POC1B: variants seen among roughly 807,000 people sequenced by gnomAD.
The protein encoded by POC1B is POC1 centriolar protein B.
Under a neutral mutation model 60.6 loss-of-function variants are expected in POC1B, and 44 were observed. The observed-to-expected ratio is 0.73, with a 90% CI of 0.57 to 0.93. POC1B has a LOEUF of 0.93. Ranked by LOEUF, POC1B falls within the 40% of genes least tolerant of loss-of-function variation. The probability of loss-of-function intolerance (pLI) is 0.00; values close to 1 mark genes in which losing one functional copy is unlikely to be tolerated. For synonymous variants in POC1B, 180 were observed against 198.9 expected, an observed-to-expected ratio of 0.90 and a Z score of 0.80; for missense variants, 555 against 572.3, an observed-to-expected ratio of 0.97 and a Z score of 0.31.
intron 10 of POC1B, among the ~76,000 whole-genome samples, chr12:89,440,816 G>A (rs1260396811): frequency 2.6e-5 from 4 of 152,248 alleles, no homozygotes; most frequent in Non-Finnish European, 4.4e-5. Context: ...GAAGCAGGGC[G>A]GGGCATCGCC....
intron 2 of POC1B, chr12:89,522,898 T>A (rs1327932703): frequency 1.2e-6 from 2 of 1,613,726 alleles, no homozygotes; most frequent in East Asian, 4.5e-5. Flanking sequence ...CGGTGTCCGA[T>A]AAGCACTAAG....
intron 2 of POC1B, among the ~76,000 whole-genome samples, chr12:89,506,002 A>C (rs552402816): frequency 3.3e-5 from 5 of 152,222 alleles, no homozygotes; most frequent in Non-Finnish European, 5.9e-5. Context: ...AGTGAGTTTT[A>C]GTGCCATTTA....
At chr12:89,500,069 G>A in intron 2 of POC1B, 2 of 1,300,460 alleles carry the variant, frequency 1.5e-6, no homozygotes, top group Non-Finnish European at 1.1e-6. Context: ...TCAGACACCT[G>A]CGCTGGCTCA....
chr12:89,482,582 A>ATT lies in POC1B; in HGVS notation c.452+9352_452+9353dup, dbSNP rs559929844. Among the ~76,000 whole-genome samples, 59 of 152,224 alleles carry ATT rather than the reference A, an allele frequency of 3.9e-4. 1 individual carries two copies. Among genetic ancestry groups the ATT allele is most frequent in the Admixed American group, 2.6e-4 (4 of 15,284 alleles). On this transcript the variant is annotated intron_variant, in intron 4 of 11. Transcript: ENST00000313546. The stretch of plus-strand genomic sequence containing the variant: ...TGAGAGCAGCAGAGAAAAAAGATAC[A>ATT]TTATATATAGGGGAATTACATTAAA...
chr12:89,406,964 G>A, the POC1B span, among the ~76,000 whole-genome samples: 1 of 54 alleles, frequency 0.019, no homozygotes, highest in Non-Finnish European at 0.045. Context: ...TGGCCAACAT[G>A]CCGAAACCCC....
chr12:89,517,548 G>A (rs751643608), intron 2 of POC1B, among the ~76,000 whole-genome samples: 6 of 152,038 alleles, frequency 3.9e-5, no homozygotes, highest in East Asian at 3.9e-4. Context: ...CATGAGAATC[G>A]CTTGAACTTG....
intron 4 of POC1B, among the ~76,000 whole-genome samples, chr12:89,481,810 A>C (rs1316070951): frequency 6.6e-6 from 1 of 152,194 alleles, no homozygotes; most frequent in African/African-American, 2.4e-5. Flanking sequence ...AGCTCTGACC[A>C]GCCTTTTCTG....
chr12:89,456,028 T>TTGC (rs1220841996), intron 10 of POC1B, among the ~76,000 whole-genome samples: 3 of 151,872 alleles, frequency 2.0e-5, no homozygotes, highest in Non-Finnish European at 4.4e-5. Flanking sequence ...GTTGTTGTTG[T>TTGC]TGTTGTTGTT....
chr12:89,424,017 T>C (rs543932649), intron 11 of POC1B, among the ~76,000 whole-genome samples: 4 of 152,156 alleles, frequency 2.6e-5, no homozygotes, highest in African/African-American at 4.8e-5. Flanking sequence ...AAAAGAGATG[T>C]CTGATAAATA....
At chr12:89,453,482 G>C (rs1461748352) in intron 10 of POC1B, among the ~76,000 whole-genome samples, 1 of 152,124 alleles carries the variant, frequency 6.6e-6, no homozygotes, top group African/African-American at 2.4e-5. Flanking sequence ...CACTAAACCA[G>C]CACTTAAAGA....
intron 2 of POC1B, among the ~76,000 whole-genome samples, chr12:89,519,230 C>G (rs777286099): frequency 1.5e-4 from 23 of 152,130 alleles, no homozygotes; most frequent in Non-Finnish European, 2.2e-4. Flanking sequence ...GTACTAACAC[C>G]CCTTCAGAAT....
chr12:89,522,896 G>A (rs772083185), intron 2 of POC1B: 33 of 1,613,736 alleles, frequency 2.0e-5, no homozygotes, highest in South Asian at 3.3e-5. Flanking sequence ...TCCGGTGTCC[G>A]ATAAGCACTA....
chr12:89,434,844 G>A lies in POC1B; in HGVS notation c.1114-9465C>T, dbSNP rs527653954. Reference sequence around the variant, plus strand: ...AAGATCTATAGTTATCTTTCACACTGTTCAACAAACCCCAAAGAAAAAAAT... The same window carrying A: ...AAGATCTATAGTTATCTTTCACACTATTCAACAAACCCCAAAGAAAAAAAT... On this transcript the variant is annotated intron_variant, in intron 10 of 11. Coordinates refer to ENST00000313546, the MANE Select transcript of POC1B (RefSeq NM_172240.3). Among the ~76,000 whole-genome samples the A allele has an allele frequency of 9.0e-4, 137 of 152,140 alleles. 1 individual carries two copies. The highest frequency in any genetic ancestry group is 1.2e-3 in the Admixed American group (18 of 15,282).
intron 2 of POC1B, among the ~76,000 whole-genome samples, chr12:89,513,350 C>T (rs1870279530): frequency 6.6e-6 from 1 of 151,268 alleles, no homozygotes; most frequent in African/African-American, 2.4e-5. Context: ...TCTATTCAGT[C>T]AAAAAAGGAA....
intron 6 of POC1B, 100 bp downstream of exon 6, chr12:89,471,514 T>G (rs1032584731): frequency 1.1e-6 from 1 of 898,352 alleles, no homozygotes; most frequent in South Asian, 1.4e-5. Context: ...AGGCAGCCCA[T>G]GACCCCAAGT....
At chr12:89,442,736 T>A (rs1040858293) in intron 10 of POC1B, among the ~76,000 whole-genome samples, 9 of 152,096 alleles carry the variant, frequency 5.9e-5, no homozygotes, top group African/African-American at 2.2e-4. Flanking sequence ...AATGACAGGA[T>A]CAATTCATAC....
At chr12:89,500,676 C>G in intron 2 of POC1B, 1 of 1,539,122 alleles carries the variant, frequency 6.5e-7, no homozygotes, top group Non-Finnish European at 9.0e-7. Flanking sequence ...ATGCTGCCTT[C>G]AAGTACAGAG....
chr12:89,502,400 G>C lies in POC1B; in HGVS notation c.101-5058C>G. On this transcript the variant is annotated intron_variant, in intron 2 of 11. Transcript: ENST00000313546. ...ATAGATTATCAAGGAAGGCCATCAG[G>C]AGGATTCGTGATTAGTGGAATACTA... 2.0e-6 allele frequency: 3 copies of C among 1,525,306 alleles called. No individual in the cohort carries two copies. In the South Asian group the frequency reaches 3.4e-5, roughly 17 times the overall value. 94.5% of individuals were successfully genotyped at this position (1,525,306 alleles called of 1,614,324 possible).
At chr12:89,485,880 T>C (rs561710105) in intron 4 of POC1B, among the ~76,000 whole-genome samples, 8 of 152,338 alleles carry the variant, frequency 5.3e-5, no homozygotes, top group Admixed American at 2.0e-4. Flanking sequence ...TCCCACCCTG[T>C]AGCTGATACT....
Sources: gnomAD v4.1 joint callset for allele counts (sites outside exome capture counted in the v4.1 genomes callset) on GRCh38, gnomAD v4.1.1 for gene constraint, MANE v1.5 for transcripts, NCBI Gene and HGNC (gene_info 2026-07-23, HGNC 2026-07-21) for gene names.